Variants in SLC8A1 observed in about 807,000 individuals in gnomAD.
SLC8A1 encodes sodium/calcium exchanger 1.
In SLC8A1, 18 loss-of-function variants were observed where a neutral mutation model predicts 68.3. The observed-to-expected ratio is 0.26, with a 90% CI of 0.18 to 0.39. The LOEUF is 0.39. Ranked by LOEUF, SLC8A1 falls within the 10% of genes least tolerant of loss-of-function variation. The probability of loss-of-function intolerance (pLI) is 1.00; values close to 1 mark genes in which losing one functional copy is unlikely to be tolerated. For synonymous variants in SLC8A1, 475 were observed against 415.5 expected (o/e 1.14, Z -1.74); for missense variants, 985 against 1,156.7 (o/e 0.85, Z 2.15).
chr2:40,115,515 G>A (rs1558408052), exon 8 of SLC8A1: 2 of 1,614,180 alleles, frequency 1.2e-6, no homozygotes, highest in Non-Finnish European at 8.5e-7. Context: ...GGCAGCGATG[G>A]ACCAGGCCAC....
chr2:40,122,011 CT>C (rs2036941422), intron 7 of SLC8A1, among the ~76,000 whole-genome samples: 1 of 151,988 alleles, frequency 6.6e-6, no homozygotes, highest in Non-Finnish European at 1.5e-5. Context: ...ATATTCCTCT[CT>C]TTTTTCTTTT....
chr2:40,475,154 G>T (rs1704205416), intron 1 of SLC8A1, among the ~76,000 whole-genome samples: 1 of 151,852 alleles, frequency 6.6e-6, no homozygotes, highest in Non-Finnish European at 1.5e-5. Context: ...TATTTTTTGA[G>T]ACGGAGTCTC....
chr2:40,420,603 C>T (rs1695222332), intron 2 of SLC8A1, among the ~76,000 whole-genome samples: 1 of 152,192 alleles, frequency 6.6e-6, no homozygotes, highest in Non-Finnish European at 1.5e-5. Context: ...AAACATTAAG[C>T]ATTCCCTTGC....
intron 2 of SLC8A1, among the ~76,000 whole-genome samples, chr2:40,207,528 A>AT (rs1280011913): frequency 6.6e-6 from 1 of 152,100 alleles, no homozygotes; most frequent in Non-Finnish European, 1.5e-5. Flanking sequence ...ATAATAAAAT[A>AT]TTTTTTTAAC....
At chr2:40,291,416 G>A (rs1391673971) in intron 2 of SLC8A1, among the ~76,000 whole-genome samples, 3 of 152,076 alleles carry the variant, frequency 2.0e-5, no homozygotes, top group East Asian at 1.9e-4. Context: ...AGAAAGATAA[G>A]TTCCCCTGCT....
At chr2:40,202,526 G>A (rs1187600968) in intron 2 of SLC8A1, among the ~76,000 whole-genome samples, 1 of 151,922 alleles carries the variant, frequency 6.6e-6, no homozygotes, top group Non-Finnish European at 1.5e-5. Flanking sequence ...AATAGAAGGG[G>A]AAACAATCAA....
chr2:40,490,903 C>T (rs931530854), intron 1 of SLC8A1, among the ~76,000 whole-genome samples: 6 of 151,932 alleles, frequency 3.9e-5, no homozygotes, highest in Non-Finnish European at 7.4e-5. Context: ...TAAAAAGATC[C>T]GCAAATCAGG....
intron 2 of SLC8A1, among the ~76,000 whole-genome samples, chr2:40,178,759 A>G (rs1478839858): frequency 6.6e-6 from 1 of 152,210 alleles, no homozygotes; most frequent in African/African-American, 2.4e-5. Context: ...GTTTGTCATC[A>G]TCATAAGGAG....
intron 1 of SLC8A1, among the ~76,000 whole-genome samples, chr2:40,438,551 T>C (rs1438286788): frequency 6.6e-6 from 1 of 152,146 alleles, no homozygotes; most frequent in Non-Finnish European, 1.5e-5. Flanking sequence ...ATTTACAGTC[T>C]GCAAGCGACA....
At chr2:40,318,621 GC>G (rs1441683160) in intron 2 of SLC8A1, among the ~76,000 whole-genome samples, 1 of 151,982 alleles carries the variant, frequency 6.6e-6, no homozygotes, top group Non-Finnish European at 1.5e-5. Context: ...GGAGTATAGT[GC>G]CCCCTATAAA....
chr2:40,483,521 C>T (rs946944983), intron 1 of SLC8A1, among the ~76,000 whole-genome samples: 3 of 152,024 alleles, frequency 2.0e-5, no homozygotes, highest in Non-Finnish European at 4.4e-5. Context: ...GTCAACAAAG[C>T]CAAAACAGAA....
chr2:40,396,828 C>G (rs917787250), intron 2 of SLC8A1, among the ~76,000 whole-genome samples: 1 of 143,510 alleles, frequency 7.0e-6, no homozygotes, highest in Non-Finnish European at 1.5e-5. Context: ...GTTGCTGTAT[C>G]AATGACAATT....
chr2:40,232,024 G>T (rs2059714790), intron 2 of SLC8A1, among the ~76,000 whole-genome samples: 1 of 152,054 alleles, frequency 6.6e-6, no homozygotes, highest in African/African-American at 2.4e-5. Flanking sequence ...AATAGAATGG[G>T]GCTGTGTCCT....
chr2:40,491,461 T>C (rs569798952), intron 1 of SLC8A1, among the ~76,000 whole-genome samples: 9 of 152,246 alleles, frequency 5.9e-5, no homozygotes, highest in Non-Finnish European at 1.2e-4. Context: ...CTTTTCCTAA[T>C]TGAATACCCT....
At chr2:40,409,214 T>C (rs1691348622) in intron 2 of SLC8A1, among the ~76,000 whole-genome samples, 1 of 152,102 alleles carries the variant, frequency 6.6e-6, no homozygotes, top group African/African-American at 2.4e-5. Flanking sequence ...AAGAACCTAT[T>C]AGTTGACTAA....
At chr2:40,150,017 G>T (rs2148366088) in intron 6 of SLC8A1, among the ~76,000 whole-genome samples, 1 of 143,454 alleles carries the variant, frequency 7.0e-6, no homozygotes, top group East Asian at 2.1e-4. Flanking sequence ...TCTTGGAGGA[G>T]ACTCCCTCTC....
At chr2:40,167,098 G>A (rs538946520) in intron 4 of SLC8A1, among the ~76,000 whole-genome samples, 1 of 152,306 alleles carries the variant, frequency 6.6e-6, no homozygotes, top group South Asian at 2.1e-4. Flanking sequence ...TTTTGATCAT[G>A]GTATTAAATA....
At chr2:40,426,058 C>T (rs77887302) in intron 2 of SLC8A1, among the ~76,000 whole-genome samples, 19,796 of 151,948 alleles carry the variant, frequency 0.13, 1,463 homozygotes, top group Middle Eastern at 0.22. Flanking sequence ...CCAAACAAAT[C>T]TGTACAATCA....
intron 2 of SLC8A1, among the ~76,000 whole-genome samples, chr2:40,290,753 TAAC>T (rs1031703069): frequency 1.4e-4 from 21 of 152,208 alleles, no homozygotes; most frequent in African/African-American, 4.8e-4. Flanking sequence ...TAATGAGTAA[TAAC>T]AACTTTCTTC....
Sources: gnomAD v4.1 joint callset for allele counts (sites outside exome capture counted in the v4.1 genomes callset) on GRCh38, gnomAD v4.1.1 for gene constraint, MANE v1.5 for transcripts, NCBI Gene and HGNC (gene_info 2026-07-23, HGNC 2026-07-21) for gene names.